EPCIP: variants seen among roughly 807,000 people sequenced by gnomAD.
EPCIP encodes exosomal polycystin 1 interacting protein.
At chr21:32,794,580 C>G in the EPCIP span, 1 of 704,906 alleles carries the variant, frequency 1.4e-6, no homozygotes, top group South Asian at 2.0e-5. Flanking sequence ...GTAAACATTT[C>G]TTTCTTGCAG....
the EPCIP span, among the ~76,000 whole-genome samples, chr21:32,801,454 G>A: frequency 1.3e-5 from 2 of 152,190 alleles, no homozygotes; most frequent in African/African-American, 4.8e-5. Flanking sequence ...TGCCCTCAAG[G>A]GACTTGAAGT....
At chr21:32,813,432 G>A in the EPCIP span, among the ~76,000 whole-genome samples, 3 of 152,304 alleles carry the variant, frequency 2.0e-5, no homozygotes, top group East Asian at 5.8e-4. Context: ...ACTCATACAT[G>A]TACATTATGT....
At chr21:32,804,630 G>T in the EPCIP span, among the ~76,000 whole-genome samples, 3 of 151,982 alleles carry the variant, frequency 2.0e-5, no homozygotes, top group East Asian at 5.8e-4. Context: ...AAAGTAACTG[G>T]TTCATTTAAT....
At chr21:32,805,503 A>G in the EPCIP span, among the ~76,000 whole-genome samples, 1 of 152,116 alleles carries the variant, frequency 6.6e-6, no homozygotes, top group Admixed American at 6.5e-5. Flanking sequence ...CTGGGATTAC[A>G]GGTGTGCACC....
At chr21:32,794,326 G>C in the EPCIP span, 1 of 1,614,228 alleles carries the variant, frequency 6.2e-7, no homozygotes, top group Middle Eastern at 1.6e-4. Context: ...TTGTGAAGAT[G>C]AGCGTGCTGT....
At chr21:32,803,749 G>C in the EPCIP span, among the ~76,000 whole-genome samples, 2 of 152,196 alleles carry the variant, frequency 1.3e-5, no homozygotes, top group Non-Finnish European at 2.9e-5. Context: ...CTGTGATACT[G>C]TGATACTGTG....
At chr21:32,797,223 G>T in the EPCIP span, 899 of 263,918 alleles carry the variant, frequency 3.4e-3, 16 homozygotes, top group African/African-American at 0.019. Flanking sequence ...CCACAGAAAT[G>T]CTAGTTGGAA....
At chr21:32,802,641 C>T in the EPCIP span, among the ~76,000 whole-genome samples, 3 of 152,160 alleles carry the variant, frequency 2.0e-5, no homozygotes, top group Non-Finnish European at 4.4e-5. Flanking sequence ...TATCTGGAAT[C>T]CTCAAGGGGA....
chr21:32,802,694 G>T, the EPCIP span, among the ~76,000 whole-genome samples: 1 of 152,218 alleles, frequency 6.6e-6, no homozygotes, highest in African/African-American at 2.4e-5. Flanking sequence ...TGGGGATGAG[G>T]ATGAGGCTGT....
the EPCIP span, among the ~76,000 whole-genome samples, chr21:32,812,691 C>A: frequency 3.3e-5 from 5 of 151,324 alleles, no homozygotes; most frequent in African/African-American, 1.2e-4. Context: ...CAAATGAAGT[C>A]TTTTTTTTGG....
At chr21:32,801,983 C>A in the EPCIP span, among the ~76,000 whole-genome samples, 2 of 152,094 alleles carry the variant, frequency 1.3e-5, no homozygotes, top group African/African-American at 2.4e-5. Flanking sequence ...GAGTCATTGG[C>A]GCAGATGTCA....
chr21:32,802,799 A>G, the EPCIP span, among the ~76,000 whole-genome samples: 2 of 152,150 alleles, frequency 1.3e-5, no homozygotes, highest in Non-Finnish European at 2.9e-5. Context: ...GCAGCACAGC[A>G]AAGCATTTGT....
chr21:32,813,582 AATTAC>A, the EPCIP span: 1 of 470,828 alleles, frequency 2.1e-6, no homozygotes, highest in Non-Finnish European at 4.4e-6. Flanking sequence ...AGAACACAGA[AATTAC>A]TTACATCTGA....
the EPCIP span, among the ~76,000 whole-genome samples, chr21:32,806,656 A>G: frequency 3.6e-4 from 55 of 152,356 alleles, no homozygotes; most frequent in African/African-American, 1.3e-3. Context: ...ATTGAATCAT[A>G]GAAATAGACT....
chr21:32,791,764 T>C, the EPCIP span, among the ~76,000 whole-genome samples: 1 of 152,166 alleles, frequency 6.6e-6, no homozygotes, highest in Admixed American at 6.5e-5. Context: ...GTATGTGATC[T>C]AAAGTCATCA....
At chr21:32,796,457 G>T in the EPCIP span, among the ~76,000 whole-genome samples, 1 of 152,212 alleles carries the variant, frequency 6.6e-6, no homozygotes, top group Non-Finnish European at 1.5e-5. Context: ...ACATACAGGC[G>T]GCTATGAGAA....
the EPCIP span, among the ~76,000 whole-genome samples, chr21:32,803,677 T>C: frequency 6.6e-6 from 1 of 152,256 alleles, no homozygotes; most frequent in Non-Finnish European, 1.5e-5. Context: ...TGTTTACTAT[T>C]TCAAAGCTTA....
the EPCIP span, among the ~76,000 whole-genome samples, chr21:32,800,746 G>A: frequency 6.6e-6 from 1 of 151,968 alleles, no homozygotes; most frequent in African/African-American, 2.4e-5. Flanking sequence ...AACCCAGGAG[G>A]CAGAGGTTGC....
chr21:32,796,813 C>A, the EPCIP span: 1 of 348,448 alleles, frequency 2.9e-6, no homozygotes, highest in Non-Finnish European at 5.8e-6. Flanking sequence ...ACCCTGTTAT[C>A]CCAGAACCAG....
Sources: allele counts gnomAD v4.1 joint callset (sites outside exome capture counted in the v4.1 genomes callset), GRCh38; gene constraint gnomAD v4.1.1; transcripts MANE v1.5; gene names NCBI Gene and HGNC (gene_info 2026-07-23, HGNC 2026-07-21).